Variants in LHFPL3 observed in about 807,000 individuals in gnomAD.
The protein encoded by LHFPL3 is LHFPL tetraspan subfamily member 3.
LHFPL3 carries 5 observed loss-of-function variants against 19.3 expected under a neutral mutation model. The observed-to-expected ratio is 0.26, with a 90% CI of 0.14 to 0.54. The LOEUF (loss-of-function observed/expected upper bound fraction) is 0.54. LHFPL3 is among the 20% of genes least tolerant of loss of function. The pLI is 0.94. For missense variants in LHFPL3, 249 were observed against 307.4 expected (o/e 0.81, Z 1.42); for synonymous variants, 133 against 126.2 (o/e 1.05, Z -0.36).
intron 1 of LHFPL3, among the ~76,000 whole-genome samples, chr7:104,485,308 T>A (rs1374151210): frequency 2.6e-5 from 4 of 152,034 alleles, no homozygotes; most frequent in Non-Finnish European, 5.9e-5. Flanking sequence ...GAGATTCTCA[T>A]ATGTTTTATT....
intron 1 of LHFPL3, among the ~76,000 whole-genome samples, chr7:104,437,927 G>A (rs1398840820): frequency 1.3e-5 from 2 of 152,152 alleles, no homozygotes; most frequent in Non-Finnish European, 2.9e-5. Flanking sequence ...GAGCATGAGG[G>A]ATGGAGCTAA....
intron 1 of LHFPL3, among the ~76,000 whole-genome samples, chr7:104,492,942 C>T (rs1266328902): frequency 6.6e-6 from 1 of 152,208 alleles, no homozygotes; most frequent in Non-Finnish European, 1.5e-5. Context: ...TCTCTTGAGT[C>T]TGTAATTAGG....
chr7:104,681,489 G>A (rs1334680348), intron 1 of LHFPL3, among the ~76,000 whole-genome samples: 1 of 152,070 alleles, frequency 6.6e-6, no homozygotes, highest in Non-Finnish European at 1.5e-5. Context: ...GGGTGTGGTG[G>A]TGGGTGCCTG....
In LHFPL3 at chr7:104,537,363, G is replaced by T. The variant is rs193165975; in HGVS notation, c.446-199312G>T. 1.8e-4 allele frequency among the ~76,000 whole-genome samples: 28 copies of T among 152,254 alleles called. 1 individual carries two copies. Among genetic ancestry groups the T allele is most frequent in the Admixed American group, 1.7e-3 (26 of 15,288 alleles). On this transcript the variant is annotated intron_variant, in intron 1 of 2. Coordinates refer to ENST00000424859, the MANE Select transcript of LHFPL3 (RefSeq NM_199000.3). ...GGACTTTTAGAAAATGAGATTATCA[G>T]TAGAATATTTAGACTATTCATAAGA...
intron 1 of LHFPL3, among the ~76,000 whole-genome samples, chr7:104,396,258 T>C (rs1024590846): frequency 6.6e-6 from 1 of 152,140 alleles, no homozygotes; most frequent in Non-Finnish European, 1.5e-5. Context: ...AGGACCATAA[T>C]GTACAAATGG....
chr7:104,440,039 G>GGGGGT (rs1792188929), intron 1 of LHFPL3, among the ~76,000 whole-genome samples: 1 of 88,224 alleles, frequency 1.1e-5, no homozygotes, highest in Non-Finnish European at 2.1e-5. Context: ...AAAGCCTGGG[G>GGGGGT]GGGGGGAGGG....
chr7:104,688,950 G>A (rs1472262140), intron 1 of LHFPL3, among the ~76,000 whole-genome samples: 1 of 152,086 alleles, frequency 6.6e-6, no homozygotes, highest in Non-Finnish European at 1.5e-5. Context: ...CACTAAGCAG[G>A]GATCCTGCAT....
chr7:104,332,218 CTTTTCTTTTTTTTT>C (rs1801579045), intron 1 of LHFPL3, among the ~76,000 whole-genome samples: 1 of 95,894 alleles, frequency 1.0e-5, no homozygotes, highest in East Asian at 3.4e-4. Context: ...AATCCTATTT[CTTTTCTTTTTTTTT>C]TTTTTTTTTT....
At chr7:104,477,842 G>T (rs901131849) in intron 1 of LHFPL3, among the ~76,000 whole-genome samples, 1 of 152,166 alleles carries the variant, frequency 6.6e-6, no homozygotes, top group African/African-American at 2.4e-5. Flanking sequence ...CACTGAGGAA[G>T]TAGCACTTCA....
chr7:104,752,686 C>T (rs553781272), intron 2 of LHFPL3: 4 of 385,360 alleles, frequency 1.0e-5, no homozygotes, highest in Non-Finnish European at 1.8e-5. Flanking sequence ...CCATTATCAC[C>T]CTAGCTTCTT....
At chr7:104,622,682 T>C (rs1791469852) in intron 1 of LHFPL3, among the ~76,000 whole-genome samples, 2 of 152,206 alleles carry the variant, frequency 1.3e-5, no homozygotes, top group South Asian at 2.1e-4. Flanking sequence ...TAGACTTGAA[T>C]CATGCAATAA....
chr7:104,581,220 T>G (rs947048682), intron 1 of LHFPL3, among the ~76,000 whole-genome samples: 2 of 152,062 alleles, frequency 1.3e-5, no homozygotes, highest in Non-Finnish European at 2.9e-5. Context: ...TTTTAGCCAT[T>G]CTGAGAACGT....
At chr7:104,503,506 T>C (rs1344210139) in intron 1 of LHFPL3, among the ~76,000 whole-genome samples, 1 of 152,210 alleles carries the variant, frequency 6.6e-6, no homozygotes, top group Non-Finnish European at 1.5e-5. Context: ...TCCCAAATAT[T>C]CTTGAGTATT....
At chr7:104,668,499 C>T (rs1792404709) in intron 1 of LHFPL3, 14 of 1,612,910 alleles carry the variant, frequency 8.7e-6, no homozygotes, top group Admixed American at 5.0e-5. Context: ...ATATGGTGGC[C>T]GGGATCGCTA....
chr7:104,567,107 C>T (rs190677157), intron 1 of LHFPL3, among the ~76,000 whole-genome samples: 161 of 152,246 alleles, frequency 1.1e-3, no homozygotes, highest in Non-Finnish European at 1.3e-3. Flanking sequence ...TTATATCAAA[C>T]GAAGTGTTTA....
At chr7:104,585,743 C>T (rs553533283) in intron 1 of LHFPL3, among the ~76,000 whole-genome samples, 3 of 152,188 alleles carry the variant, frequency 2.0e-5, no homozygotes, top group African/African-American at 7.2e-5. Flanking sequence ...CAGAGGAATG[C>T]TCTGTTTGTA....
chr7:104,838,523 A>C (rs1791140369), intron 2 of LHFPL3, among the ~76,000 whole-genome samples: 1 of 152,220 alleles, frequency 6.6e-6, no homozygotes, highest in African/African-American at 2.4e-5. Flanking sequence ...TTTACAGATG[A>C]GTTTTGACTG....
intron 1 of LHFPL3, among the ~76,000 whole-genome samples, chr7:104,726,913 C>G (rs1235157891): frequency 6.6e-6 from 1 of 152,166 alleles, no homozygotes; most frequent in Non-Finnish European, 1.5e-5. Context: ...GCCACACTGT[C>G]TTCTACAATG....
intron 1 of LHFPL3, among the ~76,000 whole-genome samples, chr7:104,731,045 C>T (rs1793693923): frequency 1.3e-5 from 2 of 152,160 alleles, no homozygotes; most frequent in Admixed American, 1.3e-4. Context: ...TGTCAAAGAT[C>T]AGATAGTTGT....
Sources: gnomAD v4.1 joint callset for allele counts (sites outside exome capture counted in the v4.1 genomes callset) on GRCh38, gnomAD v4.1.1 for gene constraint, MANE v1.5 for transcripts, NCBI Gene and HGNC (gene_info 2026-07-23, HGNC 2026-07-21) for gene names.